CLXN: variants seen among roughly 807,000 people sequenced by gnomAD.
CLXN encodes calaxin.
chr8:48,716,810 G>A, the CLXN span, among the ~76,000 whole-genome samples: 4 of 152,004 alleles, frequency 2.6e-5, no homozygotes, highest in East Asian at 7.7e-4. Context: ...AAATCCTACA[G>A]GATTTATGGG....
the CLXN span, among the ~76,000 whole-genome samples, chr8:48,720,271 T>A: frequency 6.6e-6 from 1 of 152,276 alleles, no homozygotes; most frequent in African/African-American, 2.4e-5. Flanking sequence ...TCTGACTGCC[T>A]GCGGGGTCGG....
At chr8:48,729,999 A>G in the CLXN span, 3 of 756,798 alleles carry the variant, frequency 4.0e-6, no homozygotes, top group Non-Finnish European at 6.1e-6. Flanking sequence ...CCTGATTTGC[A>G]TTGTAAGTGT....
the CLXN span, among the ~76,000 whole-genome samples, chr8:48,714,178 G>A: frequency 6.6e-6 from 1 of 152,174 alleles, no homozygotes; most frequent in African/African-American, 2.4e-5. Flanking sequence ...GGGAGGTGAG[G>A]GCATAGAATG....
At chr8:48,729,867 G>A in the CLXN span, 2 of 1,603,036 alleles carry the variant, frequency 1.2e-6, no homozygotes, top group Non-Finnish European at 1.7e-6. Context: ...ACACTTCAAA[G>A]CAATCTTTTT....
chr8:48,724,848 G>C, the CLXN span: 5 of 1,507,154 alleles, frequency 3.3e-6, no homozygotes, highest in East Asian at 1.1e-4. Context: ...AAAAAAGGTA[G>C]AACACCACAA....
chr8:48,726,484 T>TCATCCATC, the CLXN span, among the ~76,000 whole-genome samples: 1,014 of 105,336 alleles, frequency 9.6e-3, 14 homozygotes, highest in Middle Eastern at 0.049. Context: ...ATCCATCCAT[T>TCATCCATC]CATCCATCCA....
chr8:48,721,318 C>G, the CLXN span, among the ~76,000 whole-genome samples: 3 of 151,794 alleles, frequency 2.0e-5, no homozygotes, highest in Non-Finnish European at 4.4e-5. Flanking sequence ...AAATACAGAC[C>G]AATAAAAGGG....
the CLXN span, among the ~76,000 whole-genome samples, chr8:48,726,870 A>AATCC: frequency 7.3e-6 from 1 of 136,202 alleles, no homozygotes; most frequent in Non-Finnish European, 1.5e-5. Flanking sequence ...TGCATCTATC[A>AATCC]ATCTATCTAT....
the CLXN span, among the ~76,000 whole-genome samples, chr8:48,712,985 T>G: frequency 8.4e-6 from 1 of 119,654 alleles, no homozygotes; most frequent in African/African-American, 2.9e-5. Context: ...GTGAGACTCC[T>G]CTGTCAAAAA....
chr8:48,731,361 C>T, the CLXN span: 2 of 1,611,438 alleles, frequency 1.2e-6, no homozygotes, highest in Non-Finnish European at 1.7e-6. Flanking sequence ...TGTCCATAAT[C>T]ATGTCATCTG....
chr8:48,735,104 A>G, the CLXN span: 4 of 1,614,064 alleles, frequency 2.5e-6, no homozygotes, highest in Admixed American at 3.3e-5. Context: ...AATGCTTGCA[A>G]TTTTTGGTTA....
chr8:48,724,689 T>C, the CLXN span: 3 of 1,430,848 alleles, frequency 2.1e-6, no homozygotes, highest in Non-Finnish European at 2.9e-6. Flanking sequence ...AAATAAGCAA[T>C]ATGTGTGTGC....
the CLXN span, chr8:48,735,125 C>T: frequency 1.2e-6 from 2 of 1,614,182 alleles, no homozygotes; most frequent in Non-Finnish European, 1.7e-6. Flanking sequence ...AGGTGTCCGT[C>T]AGCTTCTGCA....
chr8:48,722,214 G>A, the CLXN span, among the ~76,000 whole-genome samples: 148 of 152,264 alleles, frequency 9.7e-4, no homozygotes, highest in African/African-American at 3.5e-3. Flanking sequence ...TCAGGTAAAT[G>A]CAGATCAAAA....
the CLXN span, chr8:48,735,131 C>T: frequency 1.2e-6 from 2 of 1,614,182 alleles, no homozygotes; most frequent in South Asian, 1.1e-5. Context: ...CCGTCAGCTT[C>T]TGCAGTTTCT....
At chr8:48,731,452 C>T in the CLXN span, 11 of 1,613,300 alleles carry the variant, frequency 6.8e-6, no homozygotes, top group East Asian at 1.3e-4. Context: ...CTCTACTCCT[C>T]CCACCAAGTC....
chr8:48,722,392 G>C, the CLXN span, among the ~76,000 whole-genome samples: 1 of 152,110 alleles, frequency 6.6e-6, no homozygotes, highest in Non-Finnish European at 1.5e-5. Context: ...AATTAAAAGT[G>C]GGACTACCAT....
At chr8:48,714,697 C>T in the CLXN span, among the ~76,000 whole-genome samples, 10 of 152,292 alleles carry the variant, frequency 6.6e-5, no homozygotes, top group South Asian at 2.1e-4. Flanking sequence ...AAGGGAGTCT[C>T]GTACATTGGG....
At chr8:48,722,516 G>A in the CLXN span, among the ~76,000 whole-genome samples, 2 of 152,198 alleles carry the variant, frequency 1.3e-5, no homozygotes, top group East Asian at 3.9e-4. Context: ...GCCATGATAT[G>A]GAAACTACCC....
Sources: gnomAD v4.1 joint callset for allele counts (sites outside exome capture counted in the v4.1 genomes callset) on GRCh38, gnomAD v4.1.1 for gene constraint, MANE v1.5 for transcripts, NCBI Gene and HGNC (gene_info 2026-07-23, HGNC 2026-07-21) for gene names.